Variants in LAMA2 observed in about 807,000 individuals in gnomAD.
LAMA2 encodes laminin subunit alpha-2.
LAMA2 carries 269 observed loss-of-function variants against 364.8 expected under a neutral mutation model. That is an observed-to-expected ratio of 0.74 (90% CI 0.67 to 0.82). The LOEUF (loss-of-function observed/expected upper bound fraction) is 0.82. Ranked by LOEUF, LAMA2 falls within the 40% of genes least tolerant of loss-of-function variation. The pLI is 0.00. For synonymous variants in LAMA2, 1,379 were observed against 1,370.6 expected (o/e 1.01, Z -0.14); for missense variants, 3,807 against 3,873.2 (o/e 0.98, Z 0.45).
At chr6:129,386,870 G>T (rs1283642953) in intron 35 of LAMA2, among the ~76,000 whole-genome samples, 1 of 152,016 alleles carries the variant, frequency 6.6e-6, no homozygotes, top group Non-Finnish European at 1.5e-5. Flanking sequence ...TCCATTTTGG[G>T]GAGCTTGTAT....
intron 4 of LAMA2, among the ~76,000 whole-genome samples, chr6:129,142,020 T>C (rs149675943): frequency 6.6e-6 from 1 of 152,228 alleles, no homozygotes; most frequent in Non-Finnish European, 1.5e-5. Context: ...AAGTATGTGC[T>C]TCTTCCTATC....
chr6:129,441,822 T>A (rs946783301), intron 43 of LAMA2, among the ~76,000 whole-genome samples: 3 of 151,882 alleles, frequency 2.0e-5, no homozygotes, highest in Non-Finnish European at 4.4e-5. Flanking sequence ...TTACAAAAAA[T>A]TTAAAAAATA....
intron 62 of LAMA2, among the ~76,000 whole-genome samples, chr6:129,508,470 T>C (rs1211985329): frequency 1.3e-5 from 2 of 152,118 alleles, no homozygotes; most frequent in African/African-American, 4.8e-5. Context: ...CTAAATCTTA[T>C]TCAAACTATT....
At chr6:129,440,388 G>T (rs58375148) in intron 42 of LAMA2, among the ~76,000 whole-genome samples, 306 of 151,888 alleles carry the variant, frequency 2.0e-3, no homozygotes, top group African/African-American at 7.2e-3. Flanking sequence ...TAACATACCT[G>T]AAAATGTTTC....
intron 1 of LAMA2, among the ~76,000 whole-genome samples, chr6:129,006,814 C>A (rs757375720): frequency 6.6e-6 from 1 of 152,122 alleles, no homozygotes; most frequent in African/African-American, 2.4e-5. Flanking sequence ...GGTCTTTGAC[C>A]TCTTCTCACT....
chr6:129,163,905 C>T (rs1157828578), intron 8 of LAMA2, among the ~76,000 whole-genome samples: 2 of 152,202 alleles, frequency 1.3e-5, no homozygotes, highest in South Asian at 2.1e-4. Context: ...ATACTCCATA[C>T]CTTCACTCAT....
chr6:129,096,800 C>T (rs763582509), intron 3 of LAMA2, among the ~76,000 whole-genome samples: 2 of 152,152 alleles, frequency 1.3e-5, no homozygotes, highest in South Asian at 2.1e-4. Context: ...TTGACTCATT[C>T]GATGGGTGAT....
intron 3 of LAMA2, among the ~76,000 whole-genome samples, chr6:129,097,404 A>G (rs1170731483): frequency 6.6e-6 from 1 of 152,226 alleles, no homozygotes; most frequent in African/African-American, 2.4e-5. Context: ...ACGTCTTCAA[A>G]TTCTATATAA....
At chr6:129,472,864 T>C (rs539549496) in intron 51 of LAMA2, among the ~76,000 whole-genome samples, 1 of 152,096 alleles carries the variant, frequency 6.6e-6, no homozygotes, top group South Asian at 2.1e-4. Flanking sequence ...TAGATATCTT[T>C]GTTATTTAGC....
In LAMA2 at chr6:129,050,045, C is replaced by T. The variant is rs201028930; in HGVS notation, c.240C>T (p.Asn80=). 9.3e-6 allele frequency: 15 copies of T among 1,614,172 alleles called. No homozygotes were observed. The South Asian group carries it at 1.3e-4, about 14-fold the overall frequency. The change falls in exon 2 of 65, where the codon AAC becomes AAT. Residue 80 remains asparagine, a synonymous_variant. Coordinates refer to ENST00000421865, the MANE Select transcript of LAMA2 (RefSeq NM_000426.4). The stretch of plus-strand genomic sequence containing the variant: ...ATGTCCCTGGGCAGCCTGTGAGGAA[C>T]CCGCAGTGTCGAATCTGCAATCAAA... ...VEHVPGQPVR[N]PQCRICNQNS...
intron 12 of LAMA2, among the ~76,000 whole-genome samples, chr6:129,224,978 T>G (rs1036037329): frequency 2.0e-5 from 3 of 150,276 alleles, no homozygotes; most frequent in Non-Finnish European, 2.9e-5. Context: ...TTTTTTTGGT[T>G]GGTAGGCTAT....
At chr6:129,370,405 TC>T (rs1422909163) in intron 34 of LAMA2, among the ~76,000 whole-genome samples, 1 of 152,216 alleles carries the variant, frequency 6.6e-6, no homozygotes, top group Non-Finnish European at 1.5e-5. Context: ...AATCAGTCTT[TC>T]CACACAAAAG....
chr6:129,042,581 A>G (rs891867127), intron 1 of LAMA2, among the ~76,000 whole-genome samples: 1 of 152,150 alleles, frequency 6.6e-6, no homozygotes, highest in African/African-American at 2.4e-5. Flanking sequence ...TATTTAATTA[A>G]CAAATACATA....
At chr6:129,272,688 ATC>A (rs1788025461) in intron 17 of LAMA2, among the ~76,000 whole-genome samples, 1 of 152,194 alleles carries the variant, frequency 6.6e-6, no homozygotes, top group South Asian at 2.1e-4. Context: ...GTCCTCAACC[ATC>A]TATAGCCTGT....
chr6:128,929,161 G>A (rs1211271368), intron 1 of LAMA2: 21 of 1,440,114 alleles, frequency 1.5e-5, no homozygotes, highest in Middle Eastern at 2.1e-4. Flanking sequence ...CCAATGGCCG[G>A]TAGATAAAAT....
intron 4 of LAMA2, among the ~76,000 whole-genome samples, chr6:129,129,923 C>CAAAAAAAA (rs543305057): frequency 3.9e-5 from 3 of 76,286 alleles, no homozygotes; most frequent in Non-Finnish European, 5.7e-5. Flanking sequence ...GATTCCGTCT[C>CAAAAAAAA]AAAAAAAAAA....
chr6:128,981,682 C>G (rs1246382187), intron 1 of LAMA2, among the ~76,000 whole-genome samples: 1 of 151,614 alleles, frequency 6.6e-6, no homozygotes, highest in East Asian at 1.9e-4. Flanking sequence ...TTCAGAAGTT[C>G]AAGGCTGCAG....
At chr6:129,051,170 CCTCT>C (rs1433485100) in intron 2 of LAMA2, among the ~76,000 whole-genome samples, 1 of 144,614 alleles carries the variant, frequency 6.9e-6, no homozygotes, top group Admixed American at 6.8e-5. Flanking sequence ...TCCTCGCTTA[CCTCT>C]CTCTCTCTGT....
intron 58 of LAMA2, among the ~76,000 whole-genome samples, chr6:129,498,467 T>G (rs1234752520): frequency 6.6e-6 from 1 of 152,236 alleles, no homozygotes. Flanking sequence ...TAAATATTAC[T>G]GTAAATGCCC....
Sources: allele counts gnomAD v4.1 joint callset (sites outside exome capture counted in the v4.1 genomes callset), GRCh38; gene constraint gnomAD v4.1.1; transcripts MANE v1.5; gene names NCBI Gene and HGNC (gene_info 2026-07-23, HGNC 2026-07-21).